Variants in ADGRL3 observed in about 807,000 individuals in gnomAD.
ADGRL3 encodes the protein adhesion G protein-coupled receptor L3, also known as calcium-independent alpha-latrotoxin receptor 3.
A neutral mutation model predicts 153.5 loss-of-function variants in ADGRL3; 62 were observed. The ratio of observed to expected loss-of-function variants is 0.40; its 90% CI spans 0.33 to 0.50. The LOEUF (loss-of-function observed/expected upper bound fraction) is 0.50. ADGRL3 is among the 20% of genes least tolerant of loss of function. The pLI is 0.47. For missense variants in ADGRL3, 1,641 were observed against 1,859.4 expected (o/e 0.88, Z 2.16); for synonymous variants, 710 against 672.5 (o/e 1.06, Z -0.86).
intron 1 of ADGRL3, among the ~76,000 whole-genome samples, chr4:61,297,126 T>C (rs2094436971): frequency 6.6e-6 from 1 of 152,208 alleles, no homozygotes; most frequent in Non-Finnish European, 1.5e-5. Context: ...GCAATGAGCC[T>C]ATTTCTGTGT....
chr4:61,214,895 G>C (rs906355214), intron 1 of ADGRL3, among the ~76,000 whole-genome samples: 3 of 151,928 alleles, frequency 2.0e-5, no homozygotes, highest in African/African-American at 7.3e-5. Context: ...TCATCATCAC[G>C]CCACGGCACT....
chr4:61,278,990 A>C (rs2093607904), intron 1 of ADGRL3, among the ~76,000 whole-genome samples: 2 of 152,334 alleles, frequency 1.3e-5, no homozygotes, highest in African/African-American at 4.8e-5. Context: ...CTTTAGTAAT[A>C]AAATCCTTGT....
intron 6 of ADGRL3, among the ~76,000 whole-genome samples, chr4:61,725,001 C>G (rs1414622163): frequency 6.6e-6 from 1 of 152,080 alleles, no homozygotes; most frequent in Non-Finnish European, 1.5e-5. Flanking sequence ...CACTAGTACA[C>G]TAGTCTCAAG....
At chr4:61,429,920 T>G in intron 2 of ADGRL3, among the ~76,000 whole-genome samples, 1 of 152,116 alleles carries the variant, frequency 6.6e-6, no homozygotes, top group Non-Finnish European at 1.5e-5. Flanking sequence ...AGTTTTTAAT[T>G]AGAAATAATG....
At chr4:61,256,789 T>A (rs551147346) in intron 1 of ADGRL3, among the ~76,000 whole-genome samples, 1 of 152,302 alleles carries the variant, frequency 6.6e-6, no homozygotes, top group East Asian at 1.9e-4. Context: ...AAAAATGTGG[T>A]TAAATTTGCA....
chr4:61,548,615 A>T (rs7438152), intron 4 of ADGRL3, among the ~76,000 whole-genome samples: 57,037 of 151,758 alleles, frequency 0.38, 11,285 homozygotes, highest in East Asian at 0.76. Context: ...TAGACTTTCT[A>T]TTTTGTTCCA....
chr4:62,070,472 C>A lies in ADGRL3; in HGVS notation c.4196C>A (p.Ser1399Tyr). Residue 1399 changes from serine (S) to tyrosine (Y), a missense_variant, in exon 27 of 27, where the codon TCT becomes TAT. Ser to Tyr is a moderately radical substitution (Grantham distance 144). Coordinates refer to ENST00000683033, the MANE Select transcript of ADGRL3 (RefSeq NM_001387552.1). ...SLGLELIHEE[S>Y]DAPLLPPRVY... ...GGCCTGGAACTCATTCATGAGGAATCTGATGCTCCTTTGCTGCCCCCAAGA... is the reference window on the plus strand; with the variant it reads ...GGCCTGGAACTCATTCATGAGGAATATGATGCTCCTTTGCTGCCCCCAAGA... 1 of 1,551,610 alleles carries A rather than the reference C, an allele frequency of 6.4e-7. No individual in the cohort carries two copies. Among genetic ancestry groups the A allele is most frequent in the Non-Finnish European group, 8.7e-7 (1 of 1,146,968 alleles).
chr4:61,412,084 G>A (rs1472889452), intron 2 of ADGRL3, among the ~76,000 whole-genome samples: 2 of 91,146 alleles, frequency 2.2e-5, no homozygotes, highest in Non-Finnish European at 4.9e-5. Flanking sequence ...GCTCAATTTT[G>A]TTGTGGTCTT....
intron 5 of ADGRL3, among the ~76,000 whole-genome samples, chr4:61,675,684 C>G (rs2095166102): frequency 1.7e-5 from 1 of 59,412 alleles, no homozygotes; most frequent in African/African-American, 4.9e-5. Context: ...TTTGTGGGAA[C>G]ATAGTCAATG....
At chr4:61,872,468 C>G (rs2098451408) in intron 9 of ADGRL3, among the ~76,000 whole-genome samples, 1 of 149,214 alleles carries the variant, frequency 6.7e-6, no homozygotes, top group Non-Finnish European at 1.5e-5. Context: ...TTTTATTCTC[C>G]CACCCTTTCC....
chr4:61,738,704 A>G (rs573457198), intron 8 of ADGRL3, among the ~76,000 whole-genome samples: 12 of 152,254 alleles, frequency 7.9e-5, no homozygotes, highest in Non-Finnish European at 1.5e-4. Context: ...TAAAATCCCT[A>G]CCTTTTGTTG....
At chr4:61,575,186 T>G (rs1197676081) in intron 4 of ADGRL3, among the ~76,000 whole-genome samples, 4 of 151,968 alleles carry the variant, frequency 2.6e-5, no homozygotes, top group Non-Finnish European at 5.9e-5. Flanking sequence ...TTCTACTTTC[T>G]CCTTCAATAA....
At chr4:61,551,784 A>G (rs1448748840) in intron 4 of ADGRL3, among the ~76,000 whole-genome samples, 2 of 152,198 alleles carry the variant, frequency 1.3e-5, no homozygotes, top group South Asian at 2.1e-4. Flanking sequence ...AAACCTCAGG[A>G]CATATATTTT....
intron 8 of ADGRL3, among the ~76,000 whole-genome samples, chr4:61,751,103 A>C (rs2096751912): frequency 6.6e-6 from 1 of 152,174 alleles, no homozygotes; most frequent in African/African-American, 2.4e-5. Context: ...CAAGGGATCT[A>C]GATTATGTGC....
chr4:61,931,761 T>C (rs967558927), intron 13 of ADGRL3, among the ~76,000 whole-genome samples: 1 of 152,148 alleles, frequency 6.6e-6, no homozygotes, highest in Non-Finnish European at 1.5e-5. Context: ...ATTTGGCAAT[T>C]GTTTGGGCTT....
chr4:61,574,552 A>G (rs1344874404), intron 4 of ADGRL3, among the ~76,000 whole-genome samples: 1 of 151,858 alleles, frequency 6.6e-6, no homozygotes, highest in African/African-American at 2.4e-5. Flanking sequence ...AATCAACATC[A>G]AACAAGAATC....
rs778792949 is a variant in ADGRL3, at chr4:62,044,992, C to T, written c.3814+443C>T. ...CAACCTGTGTACTTGGAAAAAATCA[C>T]GTCTTAATATCTAAAAGACTTATCT... On this transcript the variant is annotated intron_variant, in intron 25 of 26. Coordinates refer to ENST00000683033, the MANE Select transcript of ADGRL3 (RefSeq NM_001387552.1). Among the ~76,000 whole-genome samples the T allele has an allele frequency of 7.9e-5, 12 of 152,044 alleles. No homozygotes were observed. The South Asian group carries it at 8.3e-4, about 11-fold the overall frequency.
chr4:61,557,759 T>G (rs529069619), intron 4 of ADGRL3, among the ~76,000 whole-genome samples: 4 of 152,130 alleles, frequency 2.6e-5, no homozygotes, highest in Non-Finnish European at 5.9e-5. Context: ...TTTGGCTATT[T>G]TGCTCTGAAT....
chr4:61,248,253 A>C (rs1757863715), intron 1 of ADGRL3, among the ~76,000 whole-genome samples: 1 of 151,770 alleles, frequency 6.6e-6, no homozygotes, highest in Non-Finnish European at 1.5e-5. Context: ...ACCCATGGTG[A>C]GTTATTGAAA....
Sources: gnomAD v4.1 joint callset for allele counts (sites outside exome capture counted in the v4.1 genomes callset) on GRCh38, gnomAD v4.1.1 for gene constraint, MANE v1.5 for transcripts, NCBI Gene and HGNC (gene_info 2026-07-23, HGNC 2026-07-21) for gene names.